The following PNPLA2 variants were observed in gnomAD, a reference collection of about 807,000 sequenced individuals.
PNPLA2 encodes the protein patatin-like phospholipase domain-containing protein 2.
In PNPLA2, 28 loss-of-function variants were observed where a neutral mutation model predicts 39.7. That is an observed-to-expected ratio of 0.70 (90% CI 0.52 to 0.97). The LOEUF (loss-of-function observed/expected upper bound fraction) is 0.97. Ranked by LOEUF, PNPLA2 falls within the 50% of genes least tolerant of loss-of-function variation. The pLI is 0.00. For synonymous variants in PNPLA2, 392 were observed against 321.1 expected (o/e 1.22, Z -2.36); for missense variants, 768 against 698.2 (o/e 1.10, Z -1.13).
At chr11:823,051 T>A (rs1307304353) in intron 5 of PNPLA2, among the ~76,000 whole-genome samples, 1 of 151,440 alleles carries the variant, frequency 6.6e-6, no homozygotes, top group Non-Finnish European at 1.5e-5. Context: ...GGCCTCAAAC[T>A]ATTTTATTTT....
chr11:823,663 A>T, intron 6 of PNPLA2, 31 bp from the exon 7 acceptor site: 2 of 1,604,170 alleles, frequency 1.2e-6, no homozygotes, highest in South Asian at 2.2e-5. Flanking sequence ...CGCGCTGATG[A>T]ACTGAGAATC....
Position 822,384 on chromosome 11 carries a change from T to A in PNPLA2, c.487-13T>A, listed in dbSNP as rs1248990032. The A allele has an allele frequency of 6.2e-7, 1 of 1,611,158 alleles. No homozygotes were observed. Among genetic ancestry groups the A allele is most frequent in the Non-Finnish European group, 8.5e-7 (1 of 1,177,712 alleles). On this transcript the variant is annotated splice_polypyrimidine_tract_variant and intron_variant, in intron 4 of 9. Coordinates refer to ENST00000336615, the MANE Select transcript of PNPLA2 (RefSeq NM_020376.4). ...GCCCTCACATACGGTCCTGTCTGTG[T>A]GTCCCGTGGAAGCGCTACGTGGATG...
At chr11:822,290 G>C in intron 4 of PNPLA2, 107 bp from the exon 5 acceptor site, 5 of 1,033,378 alleles carry the variant, frequency 4.8e-6, no homozygotes, top group Non-Finnish European at 7.5e-6. Flanking sequence ...GCTCAAATGA[G>C]GTAGCCACTG....
rs1391239321 is a variant in PNPLA2, at chr11:822,485, A to T, written c.575A>T (p.Asp192Val). 6.2e-7 allele frequency: 1 copy of T among 1,614,090 alleles called. No homozygotes were observed. The highest frequency in any genetic ancestry group is 8.5e-7 in the Non-Finnish European group (1 of 1,179,988). ...GTGTCCCCCTTCTCGGGCGAGAGTG[A>T]CATCTGTCCGCAGGACAGCTCCACC... The part of the protein sequence containing the change: ...ITVSPFSGES[D>V]ICPQDSSTNI... The change falls in exon 5 of 10, where the codon GAC becomes GTC. Residue 192 changes from aspartate (D) to valine (V), a missense_variant. Coordinates refer to ENST00000336615, the MANE Select transcript of PNPLA2 (RefSeq NM_020376.4).
chr11:824,227 G>A, intron 8 of PNPLA2, 87 bp from the exon 9 acceptor site: 3 of 1,548,300 alleles, frequency 1.9e-6, no homozygotes, highest in African/African-American at 1.4e-5. Context: ...GGGGTGAGCA[G>A]TGCCAAGTCA....
rs998955419 is a variant in PNPLA2 at position 822,152 on chromosome 11, TACTC to T, written c.486+131_486+134del. ...CGCCTGTTACCCACTTCCCCTGTGT[TACTC>T]AAGAAACAGCTGTGGCAACGCACGC... On this transcript the variant is annotated intron_variant, in intron 4 of 9. Transcript: ENST00000336615. 208 of 893,398 alleles carry T rather than the reference TACTC, an allele frequency of 2.3e-4. 2 individuals carry two copies. In the Admixed American group the frequency reaches 3.9e-3, roughly 17 times the overall value. The allele number at this position is 893,398 out of a possible 1,614,324, so 55.3% of individuals were successfully genotyped here. A position where few individuals can be genotyped will look rare whatever the true frequency, so the allele number is the denominator to read the frequency against.
Position 819,849 on chromosome 11 carries a change from A to G in PNPLA2, c.131A>G (p.Tyr44Cys), listed in dbSNP as rs945283135. ...CTGGTGGCCAACGCCACGCACATCT[A>G]CGGCGCCTCGGCCGGGGCGCTCACG... ...PFLVANATHI[Y>C]GASAGALTAT... is the part of the protein sequence containing the mutation. Residue 44 changes from tyrosine to cysteine, a missense_variant, in exon 2 of 10, where the codon TAC (tyrosine) becomes TGC (cysteine). Physicochemically the swap from Tyr to Cys is radical, Grantham distance 194. Transcript: ENST00000336615. 4.1e-6 allele frequency: 6 copies of G among 1,470,438 alleles called. No homozygotes were observed. The Admixed American group carries it at 1.4e-4, about 35-fold the overall frequency. The allele number at this position is 1,470,438 out of a possible 1,614,324, so 91.1% of individuals were successfully genotyped here.
In PNPLA2 at chr11:825,101, T is replaced by G. The variant is rs1845847301; in HGVS notation, c.*239T>G. The G allele has an allele frequency of 1.7e-6, 1 of 578,910 alleles. No individual in the cohort carries two copies. The highest frequency in any genetic ancestry group is 3.0e-5 in the East Asian group (1 of 33,562). 35.9% of individuals were successfully genotyped at this position (578,910 alleles called of 1,614,324 possible). On this transcript the variant is annotated 3_prime_UTR_variant, in exon 10 of 10. Coordinates refer to ENST00000336615, the MANE Select transcript of PNPLA2 (RefSeq NM_020376.4). ...CTGCCCGAGCACCTCCCCCGCCCCT[T>G]TACTCCTGAGAACTTTGCAGCTGCC...
Position 825,345 on chromosome 11 carries a change from C to T in PNPLA2, c.*483C>T, listed in dbSNP as rs1845855348. The stretch of plus-strand genomic sequence containing the variant: ...GCAGGCCAGGTCTCCCAGCGTCGCA[C>T]TCCTGGGCCTGGCATTTGGAACCTG... On this transcript the variant is annotated 3_prime_UTR_variant, in exon 10 of 10. Transcript: ENST00000336615. 8.7e-6 allele frequency: 2 copies of T among 229,290 alleles called. No homozygotes were observed. Among genetic ancestry groups the T allele is most frequent in the South Asian group, 9.8e-5 (2 of 20,464 alleles). The allele number at this position is 229,290 out of a possible 1,614,324, so 14.2% of individuals were successfully genotyped here. A position where few individuals can be genotyped will look rare whatever the true frequency, so the allele number is the denominator to read the frequency against.
Position 819,648 on chromosome 11 carries a change from C to A in PNPLA2, c.-71C>A. On this transcript the variant is annotated 5_prime_UTR_variant, in exon 2 of 10. Coordinates refer to ENST00000336615, the MANE Select transcript of PNPLA2 (RefSeq NM_020376.4). Reference sequence around the variant, plus strand: ...CTGCCCGGCCCCCGGCTCCAGCGAGCGAGCGGCGAGCAGGCGGCTCACAGA... The same window carrying A: ...CTGCCCGGCCCCCGGCTCCAGCGAGAGAGCGGCGAGCAGGCGGCTCACAGA... 1 of 1,394,296 alleles carries A rather than the reference C, an allele frequency of 7.2e-7. No homozygotes were observed. Among genetic ancestry groups the A allele is most frequent in the Non-Finnish European group, 9.4e-7 (1 of 1,062,542 alleles). The allele number at this position is 1,394,296 out of a possible 1,614,324, so 86.4% of individuals were successfully genotyped here. A position where few individuals can be genotyped will look rare whatever the true frequency, so the allele number is the denominator to read the frequency against.
At position 824,681 on chromosome 11, in the gene PNPLA2, T is replaced by C. The variant is rs1293340004; in HGVS notation, c.1334T>C (p.Leu445Pro). The change falls in exon 10 of 10, where the codon CTC becomes CCC. Residue 445 changes from leucine to proline, a missense_variant. Coordinates refer to ENST00000336615, the MANE Select transcript of PNPLA2 (RefSeq NM_020376.4). Reference protein sequence around the residue: ...KWEECQRQLLLGLFCTNVAFP... With the variant: ...KWEECQRQLLPGLFCTNVAFP... ...GAGGAGTGCCAGCGCCAGCTGCTGC[T>C]CGGCCTCTTCTGCACCAACGTGGCC... 1 of 1,596,420 alleles carries C rather than the reference T, an allele frequency of 6.3e-7. No homozygotes were observed. Among genetic ancestry groups the C allele is most frequent in the Non-Finnish European group, 8.5e-7 (1 of 1,177,862 alleles).
intron 2 of PNPLA2, 60 bp from the exon 3 acceptor site, chr11:821,568 G>A (rs1845664830): frequency 1.7e-6 from 2 of 1,184,608 alleles, no homozygotes; most frequent in Non-Finnish European, 2.5e-6. Context: ...GGGCTATGAA[G>A]GAAGGTGGGT....
intron 4 of PNPLA2, 64 bp from the exon 5 acceptor site, chr11:822,333 G>C: frequency 4.9e-6 from 7 of 1,442,698 alleles, no homozygotes; most frequent in Non-Finnish European, 6.8e-6. Context: ...TGGGGTGGCT[G>C]GGGTGGGTGG....
At chr11:821,412 C>A (rs1046033548) in intron 2 of PNPLA2, 4 of 604,820 alleles carry the variant, frequency 6.6e-6, no homozygotes, top group Non-Finnish European at 8.8e-6. Flanking sequence ...TTGGGAAATA[C>A]CAGGCAGAGG....
intron 5 of PNPLA2, among the ~76,000 whole-genome samples, chr11:823,188 G>A (rs968577314): frequency 2.0e-5 from 3 of 152,056 alleles, no homozygotes; most frequent in Admixed American, 2.0e-4. Context: ...CTCCCCAGTA[G>A]CTGGGACTAC....
At chr11:824,166 G>GGA in intron 8 of PNPLA2, 36 bp downstream of exon 8, 1 of 1,574,976 alleles carries the variant, frequency 6.3e-7, no homozygotes, top group Admixed American at 1.8e-5. Flanking sequence ...GGGGCCCAGG[G>GGA]GACGGACTTT....
intron 1 of PNPLA2, 88 bp downstream of exon 1, chr11:819,046 C>T (rs952790213): frequency 2.0e-5 from 3 of 152,472 alleles, no homozygotes; most frequent in Non-Finnish European, 4.4e-5. Context: ...AGCTGGGGTC[C>T]CCCACGAAGG....
intron 3 of PNPLA2, 34 bp downstream of exon 3, chr11:821,894 G>T (rs147573735): frequency 1.1e-5 from 18 of 1,601,752 alleles, no homozygotes; most frequent in Middle Eastern, 1.6e-4. Context: ...GGGTGGCGGT[G>T]GGGGGGGCAG....
rs1162630638 is a variant in PNPLA2 at position 823,534 on chromosome 11, G to A, written c.704G>A (p.Arg235Gln). 6 of 1,609,504 alleles carry A rather than the reference G, an allele frequency of 3.7e-6. No homozygotes were observed. Among genetic ancestry groups the A allele is most frequent in the Non-Finnish European group, 4.2e-6 (5 of 1,178,456 alleles). ...TAACCCTCCTCACTGCAGGTGCTGC[G>A]AGAGATGTGCAAGCAGGGATACCGG... The part of the protein sequence containing the change: ...ALFPPEPLVL[R>Q]EMCKQGYRDG... Residue 235 changes from arginine to glutamine, a missense_variant, in exon 6 of 10, where the codon CGA (arginine) becomes CAA (glutamine). Transcript: ENST00000336615.
Sources: gnomAD v4.1 joint callset for allele counts (sites outside exome capture counted in the v4.1 genomes callset) on GRCh38, gnomAD v4.1.1 for gene constraint, MANE v1.5 for transcripts, NCBI Gene and HGNC (gene_info 2026-07-23, HGNC 2026-07-21) for gene names.